SLIT1: variants seen among roughly 807,000 people sequenced by gnomAD.
The protein encoded by SLIT1 is slit guidance ligand 1.
A neutral mutation model predicts 186.1 loss-of-function variants in SLIT1; 66 were observed. That is an observed-to-expected ratio of 0.35 (90% CI 0.29 to 0.44). The LOEUF is 0.44. Ranked by LOEUF, SLIT1 falls within the 20% of genes least tolerant of loss-of-function variation. The pLI, the probability that SLIT1 is intolerant of heterozygous loss-of-function variation, is 1.00. For synonymous variants in SLIT1, 761 were observed against 833.8 expected (o/e 0.91, Z 1.50); for missense variants, 1,638 against 2,037.4 (o/e 0.80, Z 3.77).
chr10:97,107,578 G>A (rs540578863), intron 4 of SLIT1, among the ~76,000 whole-genome samples: 1 of 152,264 alleles, frequency 6.6e-6, no homozygotes, highest in South Asian at 2.1e-4. Flanking sequence ...AGGACTACTT[G>A]AAGAATACTA....
At chr10:97,037,197 C>G (rs187694253) in intron 22 of SLIT1, among the ~76,000 whole-genome samples, 2 of 151,926 alleles carry the variant, frequency 1.3e-5, no homozygotes, top group Admixed American at 1.3e-4. Flanking sequence ...CGGGTTCAAG[C>G]GATTCTCCTA....
chr10:97,176,788 G>A (rs893447569), intron 1 of SLIT1, among the ~76,000 whole-genome samples: 3 of 151,986 alleles, frequency 2.0e-5, no homozygotes, highest in South Asian at 2.1e-4. Flanking sequence ...ATGATTCCTC[G>A]GCCCAGGTTC....
intron 4 of SLIT1, among the ~76,000 whole-genome samples, chr10:97,066,556 C>G (rs114449632): frequency 6.6e-6 from 1 of 152,022 alleles, no homozygotes; most frequent in African/African-American, 2.4e-5. Context: ...ATGTGAGTTC[C>G]GGGAGCTCTG....
chr10:97,002,266 C>T lies in SLIT1; in HGVS notation c.4258G>A (p.Glu1420Lys), dbSNP rs763721566. 21 of 1,606,534 alleles carry T rather than the reference C, an allele frequency of 1.3e-5. No individual in the cohort carries two copies. Among genetic ancestry groups the T allele is most frequent in the Admixed American group, 5.1e-5 (3 of 59,294 alleles). Residue 1420 changes from glutamate (E) to lysine (K), a missense_variant, in exon 36 of 37, where the codon GAG (glutamate) becomes AAG (lysine). Glu to Lys is a moderately conservative substitution (Grantham distance 56). Coordinates refer to ENST00000266058, the MANE Select transcript of SLIT1 (RefSeq NM_003061.3). ...ALCNQAGALA[E>K]PCRGLQCLHG... ...AGGCACTGCAGGCCTCTGCAGGGCT[C>T]TGCCAGGGCCCCGGCCTGGTTGCAC...
chr10:97,121,345 C>T (rs1269325915), intron 4 of SLIT1, among the ~76,000 whole-genome samples: 3 of 152,162 alleles, frequency 2.0e-5, no homozygotes, highest in African/African-American at 4.8e-5. Flanking sequence ...CCAGGACGAG[C>T]TGATCTGTCT....
chr10:97,075,566 T>C (rs1470145437), intron 4 of SLIT1, among the ~76,000 whole-genome samples: 1 of 152,208 alleles, frequency 6.6e-6, no homozygotes, highest in Non-Finnish European at 1.5e-5. Context: ...ACATGCTGTG[T>C]GTGTCACACA....
In SLIT1 at chr10:97,034,526, T is replaced by C. The variant is rs770914349; in HGVS notation, c.2383A>G (p.Lys795Glu). The C allele has an allele frequency of 6.2e-7, 1 of 1,613,464 alleles. No homozygotes were observed. The highest frequency in any genetic ancestry group is 1.3e-5 in the African/African-American group (1 of 74,886). The change falls in exon 23 of 37, where the codon AAG (lysine) becomes GAG (glutamate). Residue 795 changes from lysine (K) to glutamate (E), a missense_variant. By Grantham distance (56) the Lys-to-Glu change is moderately conservative. Coordinates refer to ENST00000266058, the MANE Select transcript of SLIT1 (RefSeq NM_003061.3). ...GAGGAATTGCTTAAGGAACTGATCT[T>C]GTTGTTGCTCAGGTCCCTGGAAAAG... is the stretch of plus-strand genomic sequence containing the variant. ...YLQLVDLSNN[K>E]ISSLSNSSFT...
At chr10:97,159,525 T>C (rs1264410928) in intron 3 of SLIT1, among the ~76,000 whole-genome samples, 2 of 152,238 alleles carry the variant, frequency 1.3e-5, no homozygotes, top group Non-Finnish European at 2.9e-5. Flanking sequence ...CCCAAGACTT[T>C]CTCATTTTTC....
chr10:97,171,082 C>A (rs752302849), intron 1 of SLIT1, among the ~76,000 whole-genome samples: 2 of 152,178 alleles, frequency 1.3e-5, no homozygotes, highest in Admixed American at 6.5e-5. Flanking sequence ...AAAGAAACCA[C>A]GCATGCTGTC....
In SLIT1 at chr10:97,064,359, C is replaced by G. The variant is rs530144860; in HGVS notation, c.558-120G>C. ...TTAAAGTGACCAGCACGGGGCTGGA[C>G]ATGGAGGAGCTAAGCCGAAGAGCAT... On this transcript the variant is annotated intron_variant, in intron 6 of 36. Transcript: ENST00000266058. 6.3e-5 allele frequency: 50 copies of G among 791,900 alleles called. 1 individual carries two copies. The highest frequency in any genetic ancestry group is 5.9e-4 in the South Asian group (40 of 67,240). 49.1% of individuals were successfully genotyped at this position (791,900 alleles called of 1,614,324 possible).
At chr10:97,049,635 T>C (rs1848769785) in intron 13 of SLIT1, among the ~76,000 whole-genome samples, 1 of 152,098 alleles carries the variant, frequency 6.6e-6, no homozygotes, top group Non-Finnish European at 1.5e-5. Context: ...GCCTGTCTCC[T>C]ATAGAGAGGG....
chr10:97,164,930 G>C (rs1218881411), intron 1 of SLIT1, 40 bp from the exon 2 acceptor site: 1 of 1,519,054 alleles, frequency 6.6e-7, no homozygotes, highest in Non-Finnish European at 9.1e-7. Context: ...GGGGTGAGCA[G>C]GGTAAGCCCC....
At chr10:97,060,012 C>T (rs1440358972) in intron 10 of SLIT1, 75 bp downstream of exon 10, 4 of 1,291,978 alleles carry the variant, frequency 3.1e-6, no homozygotes, top group African/African-American at 2.9e-5. Context: ...TAGGGCCTGC[C>T]CCAGGGCTGT....
At chr10:97,146,559 GC>G (rs61265496) in intron 4 of SLIT1, among the ~76,000 whole-genome samples, 4 of 149,086 alleles carry the variant, frequency 2.7e-5, no homozygotes, top group African/African-American at 9.8e-5. Flanking sequence ...AGGTACCCCA[GC>G]CCCCCCCACT....
rs1285310262 is a variant in SLIT1, at chr10:97,021,977, C to T, written c.2583-564G>A. ...GGCTCAAAAAGGCTGAGGAATTTGC[C>T]TAAGATCACACAGAGAAACGGGAAG... On this transcript the variant is annotated intron_variant, in intron 25 of 36. Coordinates refer to ENST00000266058, the MANE Select transcript of SLIT1 (RefSeq NM_003061.3). This position sits in a 1 kb window ranked among gnomAD's most constrained non-coding sequence, Gnocchi z 4.5. Among the ~76,000 whole-genome samples the T allele has an allele frequency of 6.6e-6, 1 of 152,198 alleles. No individual in the cohort carries two copies. The highest frequency in any genetic ancestry group is 1.5e-5 in the Non-Finnish European group (1 of 68,032).
rs926439277 is a variant in SLIT1 at position 97,171,193 on chromosome 10, C to T, written c.198-6303G>A. On this transcript the variant is annotated intron_variant, in intron 1 of 36. Transcript: ENST00000266058. ...GGCGCTGAGAGTGTGCAGAGTCAGA[C>T]GGGGAAAACGGAGGAAAGAAAGAAC... is the stretch of plus-strand genomic sequence containing the variant. Among the ~76,000 whole-genome samples, 7 of 152,150 alleles carry T rather than the reference C, an allele frequency of 4.6e-5. No individual in the cohort carries two copies. In the East Asian group the frequency reaches 5.8e-4, roughly 13 times the overall value.
chr10:97,110,862 TA>T (rs1849457964), intron 4 of SLIT1, among the ~76,000 whole-genome samples: 1 of 152,218 alleles, frequency 6.6e-6, no homozygotes, highest in Non-Finnish European at 1.5e-5. Flanking sequence ...AGACACATTC[TA>T]AATTTTCTTT....
chr10:97,171,334 C>T (rs1041631556), intron 1 of SLIT1, among the ~76,000 whole-genome samples: 28 of 152,290 alleles, frequency 1.8e-4, no homozygotes, highest in African/African-American at 6.3e-4. Context: ...CTGCAACACC[C>T]GCCCCATGCC....
intron 11 of SLIT1, among the ~76,000 whole-genome samples, chr10:97,058,566 G>A (rs1460148583): frequency 6.6e-6 from 1 of 152,162 alleles, no homozygotes; most frequent in South Asian, 2.1e-4. Context: ...ACAACTTCAG[G>A]GGTGCCATTC....
Sources: gnomAD v4.1 joint callset for allele counts (sites outside exome capture counted in the v4.1 genomes callset) on GRCh38, gnomAD v4.1.1 for gene constraint, Gnocchi (gnomAD v3.1) non-coding constraint, MANE v1.5 for transcripts, NCBI Gene and HGNC (gene_info 2026-07-23, HGNC 2026-07-21) for gene names.